Variants in PLD1 observed in about 807,000 individuals in gnomAD.
PLD1 encodes choline phosphatase 1.
A neutral mutation model predicts 137.1 loss-of-function variants in PLD1; 112 were observed. The ratio of observed to expected loss-of-function variants is 0.82; its 90% CI spans 0.70 to 0.96. The LOEUF (loss-of-function observed/expected upper bound fraction) is 0.96. PLD1 is among the 40% of genes least tolerant of loss of function. The probability of loss-of-function intolerance (pLI) is 0.00; values close to 1 mark genes in which losing one functional copy is unlikely to be tolerated. For synonymous variants in PLD1, 431 were observed against 454.7 expected, an observed-to-expected ratio of 0.95 and a Z score of 0.66; for missense variants, 1,321 against 1,342.0, an observed-to-expected ratio of 0.98 and a Z score of 0.24.
intron 11 of PLD1, among the ~76,000 whole-genome samples, chr3:171,704,393 G>A (rs1384950196): frequency 1.4e-5 from 2 of 144,058 alleles, no homozygotes; most frequent in South Asian, 2.2e-4. Context: ...AGACTCAAGA[G>A]TCTTATAACA....
At chr3:171,685,831 T>G (rs1423380331) in intron 16 of PLD1, among the ~76,000 whole-genome samples, 1 of 152,080 alleles carries the variant, frequency 6.6e-6, no homozygotes, top group Non-Finnish European at 1.5e-5. Flanking sequence ...TTCAAGATTT[T>G]TAACTGGCCA....
At chr3:171,789,312 T>C (rs1723131209) in intron 1 of PLD1, 1 of 152,174 alleles carries the variant, frequency 6.6e-6, no homozygotes, top group South Asian at 2.1e-4. Flanking sequence ...GGAAATAAAG[T>C]TGAAAAAAAT....
intron 21 of PLD1, among the ~76,000 whole-genome samples, chr3:171,652,011 G>T (rs777396462): frequency 6.6e-6 from 1 of 152,228 alleles, no homozygotes; most frequent in East Asian, 1.9e-4. Flanking sequence ...CTCCTGCCAC[G>T]ATCTGTTGTC....
Position 171,711,203 on chromosome 3 carries a change from G to C in PLD1, c.912-1494C>G, listed in dbSNP as rs1259132671. On this transcript the variant is annotated intron_variant, in intron 9 of 26. Transcript: ENST00000351298. ...TTTTTTTTTTTTGAAATGGAGTCTT[G>C]CTTTGTCACCAGGCTGGAGTGCAGT... is the stretch of plus-strand genomic sequence containing the variant. 7.3e-5 allele frequency among the ~76,000 whole-genome samples: 6 copies of C among 82,488 alleles called. No individual in the cohort carries two copies. The East Asian group carries it at 2.3e-3, about 32-fold the overall frequency. The allele number at this position is 82,488 out of a possible 152,430, so 54.1% of individuals were successfully genotyped here. A position where few individuals can be genotyped will look rare whatever the true frequency, so the allele number is the denominator to read the frequency against.
intron 1 of PLD1, among the ~76,000 whole-genome samples, chr3:171,802,112 C>T (rs575248830): frequency 9.5e-4 from 145 of 152,198 alleles, no homozygotes; most frequent in African/African-American, 3.5e-3. Context: ...CAAATGAATC[C>T]CTTGGGAACC....
intron 1 of PLD1, among the ~76,000 whole-genome samples, chr3:171,769,282 C>T (rs1375657671): frequency 1.3e-5 from 2 of 152,124 alleles, no homozygotes; most frequent in East Asian, 1.9e-4. Flanking sequence ...CCACAAGATA[C>T]AAATGAGTTT....
intron 12 of PLD1, among the ~76,000 whole-genome samples, chr3:171,697,508 C>T (rs941605191): frequency 1.3e-5 from 2 of 152,058 alleles, no homozygotes; most frequent in Non-Finnish European, 2.9e-5. Flanking sequence ...AGTACTGCCC[C>T]ACTGTCTCCC....
At chr3:171,683,089 C>T (rs1275048992) in intron 16 of PLD1, among the ~76,000 whole-genome samples, 1 of 152,180 alleles carries the variant, frequency 6.6e-6, no homozygotes, top group African/African-American at 2.4e-5. Flanking sequence ...CTCAAATTTT[C>T]CTTGCTCTTC....
chr3:171,686,834 A>G (rs756209803), intron 15 of PLD1, 36 bp from the exon 16 acceptor site: 1 of 1,044,202 alleles, frequency 9.6e-7, no homozygotes, highest in Non-Finnish European at 1.5e-6. Flanking sequence ...AAAAAAATAC[A>G]AATATCAAAT....
At chr3:171,744,078 A>G (rs1463408441) in intron 1 of PLD1, among the ~76,000 whole-genome samples, 2 of 152,210 alleles carry the variant, frequency 1.3e-5, no homozygotes, top group Non-Finnish European at 2.9e-5. Flanking sequence ...TGCCAACGCA[A>G]TCACAGCTAA....
chr3:171,675,989 C>T (rs1377143405), intron 18 of PLD1, among the ~76,000 whole-genome samples: 1 of 151,878 alleles, frequency 6.6e-6, no homozygotes, highest in Non-Finnish European at 1.5e-5. Flanking sequence ...ATTACAGGCA[C>T]CCACCACCAT....
intron 23 of PLD1, among the ~76,000 whole-genome samples, chr3:171,633,551 G>C (rs933806664): frequency 2.0e-5 from 3 of 151,948 alleles, no homozygotes; most frequent in African/African-American, 7.3e-5. Context: ...TGGGTTGATG[G>C]GTGCAGCAAA....
At chr3:171,623,432 A>G (rs952956836) in intron 23 of PLD1, among the ~76,000 whole-genome samples, 3 of 149,794 alleles carry the variant, frequency 2.0e-5, no homozygotes, top group Non-Finnish European at 4.4e-5. Context: ...CTCCTGCTTC[A>G]GCCTCCCAAG....
At chr3:171,619,660 C>CCATTAAA (rs1358239962) in intron 24 of PLD1, among the ~76,000 whole-genome samples, 1 of 152,182 alleles carries the variant, frequency 6.6e-6, no homozygotes, top group Non-Finnish European at 1.5e-5. Context: ...AACTTCAGAT[C>CCATTAAA]TGTGGTAATG....
chr3:171,668,034 G>A (rs1174477304), intron 19 of PLD1, among the ~76,000 whole-genome samples: 1 of 152,198 alleles, frequency 6.6e-6, no homozygotes, highest in East Asian at 1.9e-4. Flanking sequence ...TTACAGGCAT[G>A]AGCCACCGCA....
chr3:171,675,285 A>G (rs1194376754), intron 18 of PLD1, among the ~76,000 whole-genome samples: 1 of 152,162 alleles, frequency 6.6e-6, no homozygotes, highest in Non-Finnish European at 1.5e-5. Flanking sequence ...ATATAGTGGG[A>G]TATCATTATT....
chr3:171,639,054 A>C lies in PLD1; in HGVS notation c.2593+3786T>G, dbSNP rs77167340. Among the ~76,000 whole-genome samples the C allele has an allele frequency of 3.4e-3, 524 of 151,918 alleles. 7 individuals are homozygous for C. The highest frequency in any genetic ancestry group is 0.025 in the Admixed American group (382 of 15,202). On this transcript the variant is annotated intron_variant, in intron 23 of 26. Transcript: ENST00000351298. ...AGACTTGGATGGGAATTACATAGCC[A>C]GCTTTCCTGGGTATCCAGCTTGCAG...
rs1416679449 is a variant in PLD1, at chr3:171,612,222, G to A, written c.2882+57C>T. On this transcript the variant is annotated intron_variant, in intron 25 of 26. Transcript: ENST00000351298. The surrounding 1 kb of genome is among the most constrained non-coding windows in gnomAD (Gnocchi z 4.1). ...ATGTGCTCAGGGCTAGCGGGGCTGG[G>A]TCCCAGCGACTGCTGCAGTGGAAAT... 3.2e-6 allele frequency: 5 copies of A among 1,553,958 alleles called. No individual in the cohort carries two copies. The East Asian group carries it at 1.1e-4, about 35-fold the overall frequency.
intron 16 of PLD1, 115 bp downstream of exon 16, chr3:171,686,570 C>A: frequency 1.5e-6 from 1 of 660,580 alleles, no homozygotes; most frequent in Non-Finnish European, 2.7e-6. Flanking sequence ...ATATACGTAG[C>A]ATAAAAATTG....
Sources: gnomAD v4.1 joint callset for allele counts (sites outside exome capture counted in the v4.1 genomes callset) on GRCh38, gnomAD v4.1.1 for gene constraint, Gnocchi (gnomAD v3.1) non-coding constraint, MANE v1.5 for transcripts, NCBI Gene and HGNC (gene_info 2026-07-23, HGNC 2026-07-21) for gene names.